LRRC4C: variants seen among roughly 807,000 people sequenced by gnomAD.
LRRC4C encodes leucine-rich repeat-containing protein 4C.
LRRC4C carries 5 observed loss-of-function variants against 33.6 expected under a neutral mutation model. That is an observed-to-expected ratio of 0.15 (90% CI 0.08 to 0.31). The LOEUF (loss-of-function observed/expected upper bound fraction) is 0.31, where lower values mean the gene tolerates loss of function less well. LRRC4C is among the 10% of genes least tolerant of loss of function. The probability of loss-of-function intolerance (pLI) is 1.00; values close to 1 mark genes in which losing one functional copy is unlikely to be tolerated. For missense variants in LRRC4C, 560 were observed against 796.7 expected (o/e 0.70, Z 3.58); for synonymous variants, 329 against 302.0 (o/e 1.09, Z -0.93).
chr11:41,371,942 T>C (rs1952762795), intron 1 of LRRC4C, among the ~76,000 whole-genome samples: 1 of 152,216 alleles, frequency 6.6e-6, no homozygotes, highest in Admixed American at 6.5e-5. Flanking sequence ...GAGACCATCC[T>C]GGCTAACATG....
At chr11:40,737,172 C>T (rs952537789) in intron 2 of LRRC4C, among the ~76,000 whole-genome samples, 3 of 152,080 alleles carry the variant, frequency 2.0e-5, no homozygotes, top group African/African-American at 4.8e-5. Context: ...TTCAGCACCA[C>T]TTTATGCTAA....
At chr11:40,843,541 AT>A (rs1204314728) in intron 2 of LRRC4C, among the ~76,000 whole-genome samples, 1 of 152,134 alleles carries the variant, frequency 6.6e-6, no homozygotes, top group Non-Finnish European at 1.5e-5. Context: ...GAAATACGAT[AT>A]TTCTAACCAA....
intron 2 of LRRC4C, among the ~76,000 whole-genome samples, chr11:40,825,338 T>G (rs1952114493): frequency 1.3e-5 from 2 of 151,830 alleles, no homozygotes; most frequent in South Asian, 4.2e-4. Context: ...CATCACCTCC[T>G]CTCTTAAAGG....
chr11:41,128,505 T>C (rs1181460651), intron 1 of LRRC4C, among the ~76,000 whole-genome samples: 1 of 152,090 alleles, frequency 6.6e-6, no homozygotes, highest in Non-Finnish European at 1.5e-5. Flanking sequence ...AATAATATTC[T>C]ATTCTAAAGT....
chr11:40,509,975 T>G (rs943442071), intron 3 of LRRC4C, among the ~76,000 whole-genome samples: 1 of 152,032 alleles, frequency 6.6e-6, no homozygotes, highest in Non-Finnish European at 1.5e-5. Flanking sequence ...TAAATATAAC[T>G]TTATTGAGTG....
intron 4 of LRRC4C, among the ~76,000 whole-genome samples, chr11:40,289,100 C>T (rs1194609133): frequency 2.0e-5 from 3 of 152,136 alleles, no homozygotes; most frequent in Non-Finnish European, 4.4e-5. Context: ...TATATTGAGC[C>T]AATCTGTCCT....
chr11:40,514,763 C>T (rs1955494696), intron 3 of LRRC4C, among the ~76,000 whole-genome samples: 1 of 151,906 alleles, frequency 6.6e-6, no homozygotes, highest in African/African-American at 2.4e-5. Flanking sequence ...TGTAGACAAC[C>T]AAAACAGGGA....
At chr11:40,844,349 C>T (rs1424016347) in intron 2 of LRRC4C, among the ~76,000 whole-genome samples, 1 of 152,028 alleles carries the variant, frequency 6.6e-6, no homozygotes, top group African/African-American at 2.4e-5. Flanking sequence ...ATTTCCAATG[C>T]CAGTGGTTAC....
intron 1 of LRRC4C, among the ~76,000 whole-genome samples, chr11:40,988,537 G>T (rs1213341064): frequency 1.3e-5 from 2 of 151,786 alleles, no homozygotes; most frequent in South Asian, 2.1e-4. Flanking sequence ...AATATGCATG[G>T]GTATGACTAC....
intron 1 of LRRC4C, among the ~76,000 whole-genome samples, chr11:41,263,828 A>G (rs912701654): frequency 2.6e-5 from 4 of 152,122 alleles, no homozygotes; most frequent in Non-Finnish European, 5.9e-5. Flanking sequence ...AAGTAACTGT[A>G]TCATTCAGTA....
intron 5 of LRRC4C, among the ~76,000 whole-genome samples, chr11:40,214,950 T>C (rs1242015769): frequency 6.6e-6 from 1 of 152,160 alleles, no homozygotes; most frequent in Non-Finnish European, 1.5e-5. Context: ...AAGGTGTTGC[T>C]GGTACTCCCT....
intron 1 of LRRC4C, among the ~76,000 whole-genome samples, chr11:41,407,462 C>T (rs753708929): frequency 1.3e-5 from 2 of 151,870 alleles, no homozygotes; most frequent in Non-Finnish European, 2.9e-5. Context: ...CCACCACATT[C>T]GACTGAATTT....
At chr11:40,165,305 C>A (rs773385871) in intron 5 of LRRC4C, among the ~76,000 whole-genome samples, 4 of 151,552 alleles carry the variant, frequency 2.6e-5, no homozygotes, top group Non-Finnish European at 4.4e-5. Context: ...TGTGTGTGTG[C>A]CTTTGTATTT....
At chr11:40,775,367 G>T (rs368243980) in intron 2 of LRRC4C, among the ~76,000 whole-genome samples, 1 of 151,722 alleles carries the variant, frequency 6.6e-6, no homozygotes, top group Non-Finnish European at 1.5e-5. Flanking sequence ...CCTAGATTGC[G>T]CCACTGCACT....
At chr11:41,204,956 A>T (rs1290834987) in intron 1 of LRRC4C, among the ~76,000 whole-genome samples, 1 of 152,206 alleles carries the variant, frequency 6.6e-6, no homozygotes, top group Non-Finnish European at 1.5e-5. Flanking sequence ...TGAGATAGTA[A>T]GAAGTGGTTT....
intron 1 of LRRC4C, among the ~76,000 whole-genome samples, chr11:41,030,403 A>C (rs1225875509): frequency 6.6e-6 from 1 of 151,836 alleles, no homozygotes; most frequent in Non-Finnish European, 1.5e-5. Flanking sequence ...GATTATGTTC[A>C]GACCTGTATC....
chr11:40,365,445 T>G (rs552524745), intron 3 of LRRC4C, among the ~76,000 whole-genome samples: 10 of 152,152 alleles, frequency 6.6e-5, no homozygotes, highest in South Asian at 2.1e-4. Flanking sequence ...AAAAGAAAGG[T>G]GTTGGCCTTT....
intron 3 of LRRC4C, among the ~76,000 whole-genome samples, chr11:40,582,782 G>T (rs1409272625): frequency 6.6e-6 from 1 of 151,914 alleles, no homozygotes; most frequent in Non-Finnish European, 1.5e-5. Flanking sequence ...CTCCCAAAGT[G>T]CTGGGATTAC....
chr11:40,841,559 A>C (rs1952914377), intron 2 of LRRC4C, among the ~76,000 whole-genome samples: 1 of 152,206 alleles, frequency 6.6e-6, no homozygotes, highest in African/African-American at 2.4e-5. Flanking sequence ...GCTTGAGGAC[A>C]CAGCAAGAAG....
Sources: allele counts gnomAD v4.1 joint callset (sites outside exome capture counted in the v4.1 genomes callset), GRCh38; gene constraint gnomAD v4.1.1; transcripts MANE v1.5; gene names NCBI Gene and HGNC (gene_info 2026-07-23, HGNC 2026-07-21).